Variants in COL8A1 observed in about 807,000 individuals in gnomAD.
COL8A1 encodes collagen type VIII alpha 1 chain.
Under a neutral mutation model 42.7 loss-of-function variants are expected in COL8A1, and 21 were observed. That is an observed-to-expected ratio of 0.49 (90% CI 0.35 to 0.71). COL8A1 has a LOEUF of 0.71. Among genes scored for constraint, COL8A1 ranks in the 30% least tolerant of loss-of-function variants. The pLI is 0.01. For missense variants in COL8A1, 788 were observed against 962.4 expected (o/e 0.82, Z 2.40); for synonymous variants, 367 against 369.1 (o/e 0.99, Z 0.06).
Position 99,796,127 on chromosome 3 carries a change from TC to T in COL8A1, c.2229del (p.Met744CysfsTer16). ...CCTCCTTTTCAGGATATTTATTGTA[TC>T]CCATGTAAAAACAAAAAAACAAAAA... ...HSSFSGYLLY[P>X]M is the part of the protein sequence containing the mutation. On this transcript the variant is annotated frameshift_variant, in exon 4 of 4. Coordinates refer to ENST00000652472, the MANE Select transcript of COL8A1 (RefSeq NM_020351.4). LOFTEE classifies it high-confidence loss of function. The T allele has an allele frequency of 6.8e-7, 1 of 1,471,692 alleles. No individual in the cohort carries two copies. Among genetic ancestry groups the T allele is most frequent in the Non-Finnish European group, 9.0e-7 (1 of 1,106,924 alleles). 91.2% of individuals were successfully genotyped at this position (1,471,692 alleles called of 1,614,324 possible).
intron 1 of COL8A1, among the ~76,000 whole-genome samples, chr3:99,733,148 T>TA (rs1559621291): frequency 1.9e-4 from 29 of 149,736 alleles, no homozygotes; most frequent in African/African-American, 6.6e-4. Context: ...CTTTCTTTTT[T>TA]TTATTATTAT....
rs1164725365 is a variant in COL8A1 at position 99,798,598 on chromosome 3, T to G, written c.*2462T>G. ...AACTTATTTATTGGTTGTCACTCAA[T>G]TGCCTATATATATATATATATGTGT... On this transcript the variant is annotated 3_prime_UTR_variant, in exon 4 of 4. Transcript: ENST00000652472. 1.5e-5 allele frequency: 2 copies of G among 134,104 alleles called. No individual in the cohort carries two copies. Among genetic ancestry groups the G allele is most frequent in the Non-Finnish European group, 3.1e-5 (2 of 63,698 alleles). 8.3% of individuals were successfully genotyped at this position (134,104 alleles called of 1,614,324 possible).
intron 1 of COL8A1, among the ~76,000 whole-genome samples, chr3:99,695,923 C>A (rs1349124347): frequency 2.0e-5 from 3 of 152,174 alleles, no homozygotes; most frequent in Non-Finnish European, 4.4e-5. Flanking sequence ...CACTAGAGGT[C>A]AGGAGTTTGA....
At chr3:99,670,829 AG>A (rs1938519975) in intron 1 of COL8A1, among the ~76,000 whole-genome samples, 1 of 151,876 alleles carries the variant, frequency 6.6e-6, no homozygotes, top group African/African-American at 2.4e-5. Flanking sequence ...CAACTTTTTT[AG>A]AGTCCACATA....
At chr3:99,640,780 A>C (rs2107278040) in intron 1 of COL8A1, among the ~76,000 whole-genome samples, 1 of 152,286 alleles carries the variant, frequency 6.6e-6, no homozygotes, top group South Asian at 2.1e-4. Context: ...TAGAAAAATC[A>C]GTGTCGAAGT....
chr3:99,719,598 A>G (rs945768725), intron 1 of COL8A1, among the ~76,000 whole-genome samples: 2 of 152,138 alleles, frequency 1.3e-5, no homozygotes, highest in Non-Finnish European at 2.9e-5. Flanking sequence ...ACTCAAGGGA[A>G]CAGGTAAGAC....
intron 2 of COL8A1, among the ~76,000 whole-genome samples, chr3:99,766,879 G>A (rs754485160): frequency 2.0e-5 from 3 of 151,952 alleles, no homozygotes; most frequent in Non-Finnish European, 4.4e-5. Flanking sequence ...AACTCATGAG[G>A]CAGAGGTTGC....
At chr3:99,757,370 C>G (rs546550192) in intron 2 of COL8A1, among the ~76,000 whole-genome samples, 1 of 152,128 alleles carries the variant, frequency 6.6e-6, no homozygotes, top group Non-Finnish European at 1.5e-5. Flanking sequence ...ATGACATTGA[C>G]TAAGCATTAA....
chr3:99,792,997 T>C (rs1011223408), intron 3 of COL8A1, among the ~76,000 whole-genome samples: 2 of 152,204 alleles, frequency 1.3e-5, no homozygotes, highest in East Asian at 3.8e-4. Context: ...TAAATTATTA[T>C]ATTTAAAAAC....
At chr3:99,643,566 T>C (rs1354515311) in intron 1 of COL8A1, among the ~76,000 whole-genome samples, 2 of 152,240 alleles carry the variant, frequency 1.3e-5, no homozygotes, top group Admixed American at 1.3e-4. Flanking sequence ...AAGTAAATTT[T>C]ACTTCGTAGA....
At chr3:99,772,972 A>G (rs1334330215) in intron 2 of COL8A1, among the ~76,000 whole-genome samples, 1 of 152,196 alleles carries the variant, frequency 6.6e-6, no homozygotes, top group East Asian at 1.9e-4. Context: ...TTCAAATCCT[A>G]CTATGCTACC....
intron 2 of COL8A1, among the ~76,000 whole-genome samples, chr3:99,771,482 T>C (rs1941579798): frequency 1.3e-5 from 2 of 152,180 alleles, no homozygotes; most frequent in South Asian, 4.1e-4. Flanking sequence ...ATGACCATCA[T>C]TTATTAGGTG....
At chr3:99,680,807 C>G (rs1213420979) in intron 1 of COL8A1, among the ~76,000 whole-genome samples, 2 of 152,110 alleles carry the variant, frequency 1.3e-5, no homozygotes, top group Non-Finnish European at 2.9e-5. Context: ...ACCAATGGAA[C>G]AGAACAGAGC....
intron 2 of COL8A1, among the ~76,000 whole-genome samples, chr3:99,767,129 T>C (rs529444638): frequency 6.6e-6 from 1 of 152,352 alleles, no homozygotes; most frequent in South Asian, 2.1e-4. Flanking sequence ...AAGCCTGAAA[T>C]ACTCTGTGGT....
chr3:99,783,837 A>G (rs1941841691), intron 2 of COL8A1, among the ~76,000 whole-genome samples: 1 of 152,208 alleles, frequency 6.6e-6, no homozygotes. Context: ...ATCCACTCCC[A>G]TGATCCAATC....
chr3:99,708,013 C>T (rs1400427743), intron 1 of COL8A1, among the ~76,000 whole-genome samples: 1 of 152,132 alleles, frequency 6.6e-6, no homozygotes, highest in Non-Finnish European at 1.5e-5. Flanking sequence ...AAGTCTTACT[C>T]CAGAGCTCCC....
At chr3:99,762,784 T>A (rs371269235) in intron 2 of COL8A1, among the ~76,000 whole-genome samples, 2 of 152,216 alleles carry the variant, frequency 1.3e-5, no homozygotes, top group South Asian at 4.2e-4. Flanking sequence ...ATCCTGTGCA[T>A]CCAGAGCATG....
chr3:99,782,681 C>T (rs572433230), intron 2 of COL8A1, among the ~76,000 whole-genome samples: 17 of 152,276 alleles, frequency 1.1e-4, no homozygotes, highest in Non-Finnish European at 1.8e-4. Context: ...CGTGAGCCAC[C>T]GCACCCGGCC....
rs181551767 is a variant in COL8A1 at position 99,759,362 on chromosome 3, C to T, written c.-4+14341C>T. ...ATGTAATTTCTCAGTTCTCTCAGAG[C>T]TTCTAAAATTTATAAGGCTAAAAAG... On this transcript the variant is annotated intron_variant, in intron 2 of 3. Transcript: ENST00000652472. Among the ~76,000 whole-genome samples the T allele has an allele frequency of 1.8e-4, 27 of 152,228 alleles. No homozygotes were observed. The East Asian group carries it at 5.2e-3, about 29-fold the overall frequency.
Sources: gnomAD v4.1 joint callset for allele counts (sites outside exome capture counted in the v4.1 genomes callset) on GRCh38, gnomAD v4.1.1 for gene constraint, MANE v1.5 for transcripts, NCBI Gene and HGNC (gene_info 2026-07-23, HGNC 2026-07-21) for gene names.